The following ADAMTS3 variants were observed in gnomAD, a reference collection of about 807,000 sequenced individuals.
The protein encoded by ADAMTS3 is A disintegrin and metalloproteinase with thrombospondin motifs 3.
Under a neutral mutation model 129.0 loss-of-function variants are expected in ADAMTS3, and 73 were observed. The ratio of observed to expected loss-of-function variants is 0.57; its 90% CI spans 0.47 to 0.69. ADAMTS3 has a LOEUF of 0.69. ADAMTS3 is among the 30% of genes least tolerant of loss of function. ADAMTS3 has a pLI of 0.00. For synonymous variants in ADAMTS3, 477 were observed against 510.8 expected (o/e 0.93, Z 0.89); for missense variants, 1,457 against 1,514.5 (o/e 0.96, Z 0.63).
At chr4:72,353,361 C>G (rs578120022) in intron 4 of ADAMTS3, among the ~76,000 whole-genome samples, 4 of 151,946 alleles carry the variant, frequency 2.6e-5, no homozygotes, top group Non-Finnish European at 4.4e-5. Context: ...TGGATGAACT[C>G]ATATGAGATT....
chr4:72,446,407 A>C lies in ADAMTS3; in HGVS notation c.505-31436T>G, dbSNP rs77042837. Among the ~76,000 whole-genome samples the C allele has an allele frequency of 4.2e-3, 635 of 151,722 alleles. 7 individuals carry two copies. The highest frequency in any genetic ancestry group is 0.014 in the African/African-American group (592 of 41,472). On this transcript the variant is annotated intron_variant, in intron 3 of 21. Coordinates refer to ENST00000286657, the MANE Select transcript of ADAMTS3 (RefSeq NM_014243.3). ...TCATTCTAATCATGATTTGCCCCTG[A>C]ACTCGGCAGGAGAGATCATTTCCTC...
At chr4:72,458,992 T>A (rs1408545138) in intron 3 of ADAMTS3, among the ~76,000 whole-genome samples, 1 of 151,692 alleles carries the variant, frequency 6.6e-6, no homozygotes, top group African/African-American at 2.4e-5. Context: ...GAAATATTAA[T>A]GAAAATGCTA....
At chr4:72,388,777 T>A (rs1217328194) in intron 4 of ADAMTS3, among the ~76,000 whole-genome samples, 1 of 152,020 alleles carries the variant, frequency 6.6e-6, no homozygotes, top group East Asian at 1.9e-4. Flanking sequence ...CTGTTCATGG[T>A]TAGGATTCAT....
In ADAMTS3 at chr4:72,291,585, C is replaced by A. The variant is rs373355047; in HGVS notation, c.2724-523G>T. Among the ~76,000 whole-genome samples the A allele has an allele frequency of 3.1e-3, 475 of 151,504 alleles. 8 individuals are homozygous for A. In the East Asian group the frequency reaches 0.056, roughly 18 times the overall value. On this transcript the variant is annotated intron_variant, in intron 19 of 21. Transcript: ENST00000286657. ...TCCCTACAAAGGACATGAACTCATC[C>A]TTTTTTATGGCTGCATAGTATTCCA...
intron 3 of ADAMTS3, among the ~76,000 whole-genome samples, chr4:72,455,269 A>G (rs1023012458): frequency 2.0e-5 from 3 of 151,780 alleles, no homozygotes; most frequent in African/African-American, 7.2e-5. Flanking sequence ...TGTGGCACAT[A>G]TAACACCATG....
At chr4:72,545,560 G>A (rs1721444007) in intron 3 of ADAMTS3, among the ~76,000 whole-genome samples, 1 of 152,170 alleles carries the variant, frequency 6.6e-6, no homozygotes. Context: ...AAGGATATAA[G>A]AGTTTTAAGC....
chr4:72,326,574 A>G (rs1405515643), intron 5 of ADAMTS3, among the ~76,000 whole-genome samples: 1 of 151,798 alleles, frequency 6.6e-6, no homozygotes, highest in Non-Finnish European at 1.5e-5. Flanking sequence ...TTGTTGACAA[A>G]CTCTACTTTT....
chr4:72,410,734 C>A (rs1358244934), intron 4 of ADAMTS3, among the ~76,000 whole-genome samples: 1 of 151,658 alleles, frequency 6.6e-6, no homozygotes, highest in Non-Finnish European at 1.5e-5. Flanking sequence ...AATTTATGAC[C>A]CTTTAATTTT....
At chr4:72,414,037 T>C (rs1722245437) in intron 4 of ADAMTS3, among the ~76,000 whole-genome samples, 1 of 151,914 alleles carries the variant, frequency 6.6e-6, no homozygotes, top group Non-Finnish European at 1.5e-5. Context: ...TACTTATATT[T>C]ACTTATATCC....
intron 4 of ADAMTS3, among the ~76,000 whole-genome samples, chr4:72,340,002 G>A (rs1250573572): frequency 6.6e-6 from 1 of 152,068 alleles, no homozygotes; most frequent in Non-Finnish European, 1.5e-5. Context: ...AAGAGTCAAG[G>A]CAGTGGGGGT....
At chr4:72,502,912 C>A (rs1347227784) in intron 3 of ADAMTS3, among the ~76,000 whole-genome samples, 2 of 152,070 alleles carry the variant, frequency 1.3e-5, no homozygotes, top group Non-Finnish European at 2.9e-5. Context: ...ATGTTCCCCT[C>A]GGTAAGTGTT....
chr4:72,425,976 C>G (rs1399317856), intron 3 of ADAMTS3, among the ~76,000 whole-genome samples: 2 of 152,084 alleles, frequency 1.3e-5, no homozygotes, highest in Non-Finnish European at 2.9e-5. Flanking sequence ...CCTATTTCTC[C>G]ACATCCTCTC....
chr4:72,510,351 TATG>T (rs2110033134), intron 3 of ADAMTS3, among the ~76,000 whole-genome samples: 1 of 152,196 alleles, frequency 6.6e-6, no homozygotes, highest in Admixed American at 6.5e-5. Context: ...TTGCAGATGA[TATG>T]ATGTTATATT....
At chr4:72,476,962 T>C (rs1719252269) in intron 3 of ADAMTS3, among the ~76,000 whole-genome samples, 3 of 152,114 alleles carry the variant, frequency 2.0e-5, no homozygotes, top group Admixed American at 2.0e-4. Context: ...GAAAAAATCA[T>C]TTGACAGAAT....
intron 11 of ADAMTS3, among the ~76,000 whole-genome samples, chr4:72,315,090 G>A (rs1254967732): frequency 2.0e-5 from 3 of 152,124 alleles, no homozygotes; most frequent in Non-Finnish European, 2.9e-5. Context: ...TAAGGAACAA[G>A]GCCAAATCTT....
rs908033828 is a variant in ADAMTS3 at position 72,517,090 on chromosome 4, T to A, written c.504+31388A>T. ...AAGGCCTTTTCTGCATCTATTGAGATAATCATGTGGTTTTTGTCTTTGGTT... is the reference window on the plus strand; with the variant it reads ...AAGGCCTTTTCTGCATCTATTGAGAAAATCATGTGGTTTTTGTCTTTGGTT... On this transcript the variant is annotated intron_variant, in intron 3 of 21. Transcript: ENST00000286657. 8.5e-5 allele frequency among the ~76,000 whole-genome samples: 13 copies of A among 152,234 alleles called. No individual in the cohort carries two copies. The East Asian group carries it at 2.1e-3, about 25-fold the overall frequency.
chr4:72,384,632 A>G (rs1432612431), intron 4 of ADAMTS3, among the ~76,000 whole-genome samples: 3 of 152,218 alleles, frequency 2.0e-5, no homozygotes, highest in African/African-American at 7.2e-5. Context: ...AATAAAAATT[A>G]TGATGTAAAG....
At chr4:72,434,854 T>A (rs1445156590) in intron 3 of ADAMTS3, among the ~76,000 whole-genome samples, 1 of 151,828 alleles carries the variant, frequency 6.6e-6, no homozygotes, top group African/African-American at 2.4e-5. Flanking sequence ...GGCCAGGCAG[T>A]GAGCCGTCTA....
intron 3 of ADAMTS3, among the ~76,000 whole-genome samples, chr4:72,474,847 A>G (rs1435257058): frequency 6.6e-6 from 1 of 151,826 alleles, no homozygotes; most frequent in Non-Finnish European, 1.5e-5. Context: ...TAAAACGGTG[A>G]AACCCCGTCT....
Sources: allele counts gnomAD v4.1 joint callset (sites outside exome capture counted in the v4.1 genomes callset), GRCh38; gene constraint gnomAD v4.1.1; transcripts MANE v1.5; gene names NCBI Gene and HGNC (gene_info 2026-07-23, HGNC 2026-07-21).